Variants in RRM2 observed in about 807,000 individuals in gnomAD.
RRM2 encodes ribonucleoside-diphosphate reductase subunit M2.
RRM2 carries 6 observed loss-of-function variants against 45.9 expected under a neutral mutation model. That is an observed-to-expected ratio of 0.13 (90% CI 0.07 to 0.26). RRM2 has a LOEUF of 0.26. Among genes scored for constraint, RRM2 ranks in the 10% least tolerant of loss-of-function variants. The pLI is 1.00. For missense variants in RRM2, 343 were observed against 489.5 expected, an observed-to-expected ratio of 0.70 and a Z score of 2.82; for synonymous variants, 177 against 173.0, an observed-to-expected ratio of 1.02 and a Z score of -0.18.
intron 3 of RRM2, among the ~76,000 whole-genome samples, chr2:10,149,446 G>T (rs551988066): frequency 1.3e-5 from 2 of 152,222 alleles, no homozygotes; most frequent in African/African-American, 4.8e-5. Context: ...ATTAATTTTT[G>T]TTGTTGTTTA....
intron 3 of RRM2, among the ~76,000 whole-genome samples, chr2:10,161,862 G>C (rs1477044758): frequency 6.6e-6 from 1 of 152,208 alleles, no homozygotes; most frequent in Non-Finnish European, 1.5e-5. Context: ...CAAGGCTGAG[G>C]TTTGCACTTC....
At chr2:10,151,634 C>G (rs746056682) in intron 3 of RRM2, among the ~76,000 whole-genome samples, 24 of 152,142 alleles carry the variant, frequency 1.6e-4, no homozygotes, top group Admixed American at 1.0e-3. Flanking sequence ...AGCAGAATGA[C>G]TGGGTCATAT....
rs937354253 is a variant in RRM2 at position 10,169,205 on chromosome 2, C to T, written n.482+26830C>T. ...CAGTGTTGCCCAGGCTAGTTTTGAA[C>T]TCCCGGGCTCAATCCTCCTGCCTCA... On this transcript the variant is annotated intron_variant and non_coding_transcript_variant, in intron 3 of 3. Coordinates refer to the RRM2 transcript ENST00000381786. The surrounding 1 kb of genome is among the most constrained non-coding windows in gnomAD (Gnocchi z 5.1). Among the ~76,000 whole-genome samples, 1 of 148,392 alleles carries T rather than the reference C, an allele frequency of 6.7e-6. No homozygotes were observed. Among genetic ancestry groups the T allele is most frequent in the East Asian group, 2.0e-4 (1 of 5,080 alleles).
intron 3 of RRM2, among the ~76,000 whole-genome samples, chr2:10,173,902 G>C (rs866238851): frequency 6.6e-6 from 1 of 152,214 alleles, no homozygotes; most frequent in Non-Finnish European, 1.5e-5. Context: ...GGCTGGTTCT[G>C]TACCGGGTGT....
rs562869034 is a variant in RRM2, at chr2:10,204,298, C to G, written n.483-6013C>G. Among the ~76,000 whole-genome samples, 52 of 152,270 alleles carry G rather than the reference C, an allele frequency of 3.4e-4. No homozygotes were observed. Among genetic ancestry groups the G allele is most frequent in the Admixed American group, 2.4e-3 (37 of 15,294 alleles). On this transcript the variant is annotated intron_variant and non_coding_transcript_variant, in intron 3 of 3. Transcript: ENST00000381786. The surrounding 1 kb of genome is among the most constrained non-coding windows in gnomAD (Gnocchi z 4.0). ...CATCCAGCCTGTGGGATCAGAGGAG[C>G]CTTCTTGGAGGAGGTGATGCTGGGC... is the stretch of plus-strand genomic sequence containing the variant.
chr2:10,191,372 T>A (rs1664303446), intron 3 of RRM2, among the ~76,000 whole-genome samples: 1 of 152,190 alleles, frequency 6.6e-6, no homozygotes, highest in Non-Finnish European at 1.5e-5. Context: ...GTTAATAAGA[T>A]CACGTCTGTG....
chr2:10,198,932 C>A (rs971333992), intron 3 of RRM2: 1 of 152,106 alleles, frequency 6.6e-6, no homozygotes, highest in Non-Finnish European at 1.5e-5. Context: ...TATGGTCATG[C>A]TGACAGCCAT....
At chr2:10,174,806 G>T (rs1663878051) in intron 3 of RRM2, among the ~76,000 whole-genome samples, 1 of 151,610 alleles carries the variant, frequency 6.6e-6, no homozygotes. Flanking sequence ...GCTAGAGGCT[G>T]CAGTGAGCTA....
chr2:10,172,608 C>T lies in RRM2; in HGVS notation n.482+30233C>T, dbSNP rs544851694. On this transcript the variant is annotated intron_variant and non_coding_transcript_variant, in intron 3 of 3. Coordinates refer to the RRM2 transcript ENST00000381786. This position sits in a 1 kb window ranked among gnomAD's most constrained non-coding sequence, Gnocchi z 4.9. ...AACCTGTGCCCTTTCCCCAGCCCTC[C>T]GCATGGCATTAGAGAACATTCGCCT... Among the ~76,000 whole-genome samples, 3 of 152,294 alleles carry T rather than the reference C, an allele frequency of 2.0e-5. No homozygotes were observed. The highest frequency in any genetic ancestry group is 2.9e-5 in the Non-Finnish European group (2 of 68,026).
At chr2:10,123,302 G>A in intron 2 of RRM2, 85 bp from the exon 3 acceptor site, 1 of 1,480,202 alleles carries the variant, frequency 6.8e-7, no homozygotes, top group Non-Finnish European at 9.0e-7. Flanking sequence ...TGAAATTGCC[G>A]CCAATGGAAA....
At chr2:10,157,929 C>T (rs11897614) in intron 3 of RRM2, among the ~76,000 whole-genome samples, 4,559 of 152,180 alleles carry the variant, frequency 0.03, 229 homozygotes, top group African/African-American at 0.1. Flanking sequence ...TCGGGCATCA[C>T]AGCTGGCCTA....
intron 3 of RRM2, among the ~76,000 whole-genome samples, chr2:10,154,387 G>T (rs1663380008): frequency 7.8e-6 from 1 of 127,922 alleles, no homozygotes. Flanking sequence ...TGAGGCAGGA[G>T]AATTGCTTGA....
chr2:10,202,836 G>C (rs62127597), intron 3 of RRM2, among the ~76,000 whole-genome samples: 59,184 of 151,798 alleles, frequency 0.39, 12,799 homozygotes, highest in Non-Finnish European at 0.48. Flanking sequence ...GAGCTCAAGC[G>C]ATTTGCCTGC....
rs192512557 is a variant in RRM2 at position 10,209,846 on chromosome 2, G to A, written n.483-465G>A. On this transcript the variant is annotated intron_variant and non_coding_transcript_variant, in intron 3 of 3. Transcript: ENST00000381786. ...GCTGAGAGCTTACTCCCAGAATGGC[G>A]AAGGTGGCAAAGAGTCCCCATAGCT... 1.1e-3 allele frequency among the ~76,000 whole-genome samples: 169 copies of A among 152,322 alleles called. 3 individuals carry two copies. The highest frequency in any genetic ancestry group is 0.01 in the Admixed American group (156 of 15,306).
At chr2:10,141,449 C>A in exon 1 of RRM2, 1 of 245,152 alleles carries the variant, frequency 4.1e-6, no homozygotes, top group Non-Finnish European at 8.1e-6. Flanking sequence ...GTGCCCTCTC[C>A]AGGGAGACTG....
At chr2:10,141,946 C>A in exon 2 of RRM2, 1 of 1,575,958 alleles carries the variant, frequency 6.3e-7, no homozygotes, top group South Asian at 1.2e-5. Context: ...ATCACCCACC[C>A]AGTGTGCGGT....
chr2:10,158,601 C>A (rs1663484775), intron 3 of RRM2, among the ~76,000 whole-genome samples: 1 of 152,134 alleles, frequency 6.6e-6, no homozygotes, highest in Non-Finnish European at 1.5e-5. Context: ...CTCTTCCTCC[C>A]CTCACCTTCC....
At chr2:10,183,403 A>G (rs529555868) in intron 3 of RRM2, among the ~76,000 whole-genome samples, 3 of 152,334 alleles carry the variant, frequency 2.0e-5, no homozygotes, top group East Asian at 3.9e-4. Flanking sequence ...GCAACATCCA[A>G]TAAGAAGCCT....
At chr2:10,160,354 G>C (rs1450069743) in intron 3 of RRM2, among the ~76,000 whole-genome samples, 1 of 152,218 alleles carries the variant, frequency 6.6e-6, no homozygotes, top group African/African-American at 2.4e-5. Flanking sequence ...GTTAATCCCA[G>C]GGTCCCTGCT....
Sources: gnomAD v4.1 joint callset for allele counts (sites outside exome capture counted in the v4.1 genomes callset) on GRCh38, gnomAD v4.1.1 for gene constraint, Gnocchi (gnomAD v3.1) non-coding constraint, MANE v1.5 for transcripts, NCBI Gene and HGNC (gene_info 2026-07-23, HGNC 2026-07-21) for gene names.